The following CPEB1 variants were observed in gnomAD, a reference collection of about 807,000 sequenced individuals.
CPEB1 encodes cytoplasmic polyadenylation element-binding protein 1.
A neutral mutation model predicts 65.8 loss-of-function variants in CPEB1; 7 were observed. The ratio of observed to expected loss-of-function variants is 0.11; its 90% CI spans 0.06 to 0.20. CPEB1 has a LOEUF of 0.20. Among genes scored for constraint, CPEB1 ranks in the 10% least tolerant of loss-of-function variants. The probability of loss-of-function intolerance (pLI) is 1.00; values close to 1 mark genes in which losing one functional copy is unlikely to be tolerated. For missense variants in CPEB1, 551 were observed against 712.2 expected (o/e 0.77, Z 2.58); for synonymous variants, 262 against 260.0 (o/e 1.01, Z -0.08).
At chr15:82,640,221 C>A (rs753186044) in intron 1 of CPEB1, among the ~76,000 whole-genome samples, 3 of 152,040 alleles carry the variant, frequency 2.0e-5, no homozygotes, top group Non-Finnish European at 4.4e-5. Flanking sequence ...AACTCCTAGG[C>A]TCAAGGGATT....
chr15:82,606,224 T>G (rs1267276736), intron 3 of CPEB1, among the ~76,000 whole-genome samples: 1 of 152,036 alleles, frequency 6.6e-6, no homozygotes, highest in Admixed American at 6.6e-5. Flanking sequence ...TCCCAGCACT[T>G]TGGGAGGCCG....
chr15:82,618,780 CA>C (rs2045009458), intron 3 of CPEB1, among the ~76,000 whole-genome samples: 1 of 152,138 alleles, frequency 6.6e-6, no homozygotes, highest in Admixed American at 6.5e-5. Context: ...ATCTGCAAGA[CA>C]TCTACAAACA....
rs12915194 is a variant in CPEB1 at position 82,612,509 on chromosome 15, C to A, written c.271+14684G>T. On this transcript the variant is annotated intron_variant, in intron 3 of 12. Transcript: ENST00000684509. ...GAGAGTCTGTCCAAAAAAAAAAAAA[C>A]AAAAAAAAAAACACAGAAATTTGAA... is the stretch of plus-strand genomic sequence containing the variant. Among the ~76,000 whole-genome samples the A allele has an allele frequency of 4.1e-3, 539 of 130,104 alleles. 1 individual carries two copies. Among genetic ancestry groups the A allele is most frequent in the African/African-American group, 7.2e-3 (255 of 35,222 alleles). The allele number at this position is 130,104 out of a possible 152,430, so 85.4% of individuals were successfully genotyped here. A position where few individuals can be genotyped will look rare whatever the true frequency, so the allele number is the denominator to read the frequency against.
intron 1 of CPEB1, chr15:82,629,673 T>G: frequency 4.1e-6 from 4 of 985,106 alleles, no homozygotes; most frequent in Non-Finnish European, 4.8e-6. Context: ...CCTCATCAGT[T>G]CTATTATCCT....
Position 82,600,788 on chromosome 15 carries a change from T to G in CPEB1, c.271+26405A>C, listed in dbSNP as rs140199541. 5.1e-3 allele frequency among the ~76,000 whole-genome samples: 777 copies of G among 151,776 alleles called. 10 individuals carry two copies. Among genetic ancestry groups the G allele is most frequent in the African/African-American group, 0.018 (748 of 41,354 alleles). ...AAGAACAAAGAAGACTCAGTAAAGA[T>G]GATAGGTTTAAGCATAACAAAACGA... On this transcript the variant is annotated intron_variant, in intron 3 of 12. Transcript: ENST00000684509.
At chr15:82,553,421 GA>G (rs760623975) in intron 8 of CPEB1, 45 bp downstream of exon 8, 70 of 1,473,882 alleles carry the variant, frequency 4.7e-5, no homozygotes, top group African/African-American at 3.3e-4. Flanking sequence ...CTAGGGAAGG[GA>G]AAAAAAAGCT....
chr15:82,578,987 C>A (rs1011301474), intron 3 of CPEB1, among the ~76,000 whole-genome samples: 1 of 152,050 alleles, frequency 6.6e-6, no homozygotes, highest in Non-Finnish European at 1.5e-5. Flanking sequence ...CCACGCCCAG[C>A]TAATTTTTGA....
intron 3 of CPEB1, among the ~76,000 whole-genome samples, chr15:82,606,052 T>C (rs758129344): frequency 1.3e-5 from 2 of 152,022 alleles, no homozygotes; most frequent in Non-Finnish European, 2.9e-5. Flanking sequence ...AAAAAAGACA[T>C]ATTTGTAATA....
At chr15:82,564,088 C>T (rs2038697358) in intron 4 of CPEB1, among the ~76,000 whole-genome samples, 1 of 152,142 alleles carries the variant, frequency 6.6e-6, no homozygotes, top group Non-Finnish European at 1.5e-5. Context: ...GCCTTCTCAA[C>T]CAAGCATACC....
intron 1 of CPEB1, among the ~76,000 whole-genome samples, chr15:82,643,454 A>AC (rs1319685572): frequency 1.3e-5 from 2 of 151,834 alleles, no homozygotes; most frequent in East Asian, 1.9e-4. Context: ...ATATGGTGAA[A>AC]CCCCATCTTA....
chr15:82,579,884 A>G (rs1365356013), intron 3 of CPEB1, among the ~76,000 whole-genome samples: 1 of 121,456 alleles, frequency 8.2e-6, no homozygotes, highest in Non-Finnish European at 1.6e-5. Context: ...TGCAGTCTGC[A>G]GTCCGGCCTG....
intron 6 of CPEB1, 71 bp from the exon 7 acceptor site, chr15:82,554,062 G>C: frequency 1.1e-6 from 1 of 898,646 alleles, no homozygotes; most frequent in Non-Finnish European, 1.7e-6. Flanking sequence ...TCCCTGGGGT[G>C]AACTTGTCCA....
At chr15:82,571,157 A>G (rs981719582) in intron 4 of CPEB1, among the ~76,000 whole-genome samples, 187 bp downstream of exon 4, 1 of 152,160 alleles carries the variant, frequency 6.6e-6, no homozygotes, top group Non-Finnish European at 1.5e-5. Context: ...GCCTGCCTTT[A>G]CGTGGAGCCA....
intron 3 of CPEB1, among the ~76,000 whole-genome samples, chr15:82,625,985 T>C (rs1394363166): frequency 1.3e-5 from 2 of 151,074 alleles, no homozygotes; most frequent in African/African-American, 2.4e-5. Flanking sequence ...CCAGGTGTGG[T>C]GGCGGGTGCC....
At chr15:82,571,718 G>A (rs2040056690) in intron 3 of CPEB1, 186 bp from the exon 4 acceptor site, 1 of 1,425,922 alleles carries the variant, frequency 7.0e-7, no homozygotes, top group African/African-American at 1.4e-5. Flanking sequence ...TTGCCATACA[G>A]GCCCCCTCCC....
At chr15:82,614,875 GTGTGTATATA>G (rs1361462083) in intron 3 of CPEB1, among the ~76,000 whole-genome samples, 1 of 123,184 alleles carries the variant, frequency 8.1e-6, no homozygotes, top group African/African-American at 2.8e-5. Context: ...GTGTGTGTGT[GTGTGTATATA>G]TATATATGAC....
chr15:82,557,594 A>G (rs909122831), intron 5 of CPEB1, 166 bp downstream of exon 5: 17 of 620,148 alleles, frequency 2.7e-5, no homozygotes, highest in Non-Finnish European at 4.2e-5. Flanking sequence ...CCTGTTAAGG[A>G]TGAGAACTCT....
Position 82,552,512 on chromosome 15 carries a change from T to G in CPEB1, c.1249A>C (p.Lys417Gln), listed in dbSNP as rs1005914277. ...SPDGLSEYYFKMSSRRMRCKE... is the reference protein window; with the variant it reads ...SPDGLSEYYFQMSSRRMRCKE... ...CAGCGCATCCTTCGGCTGGACATCT[T>G]GAAATAATATTCACTCAGGCCATCT... The change falls in exon 9 of 13, where the codon AAG (lysine) becomes CAG (glutamine). Residue 417 changes from lysine (K) to glutamine (Q), a missense_variant. Transcript: ENST00000684509. The G allele has an allele frequency of 5.0e-6, 8 of 1,599,488 alleles. No individual in the cohort carries two copies. Among genetic ancestry groups the G allele is most frequent in the Non-Finnish European group, 6.0e-6 (7 of 1,174,800 alleles).
chr15:82,605,202 C>T (rs2043455901), intron 3 of CPEB1, among the ~76,000 whole-genome samples: 1 of 152,160 alleles, frequency 6.6e-6, no homozygotes, highest in Non-Finnish European at 1.5e-5. Context: ...GAGTTTGTCA[C>T]TAGCAGACCT....
Sources: gnomAD v4.1 joint callset for allele counts (sites outside exome capture counted in the v4.1 genomes callset) on GRCh38, gnomAD v4.1.1 for gene constraint, MANE v1.5 for transcripts, NCBI Gene and HGNC (gene_info 2026-07-23, HGNC 2026-07-21) for gene names.